The following FARP1 variants were observed in gnomAD, a reference collection of about 807,000 sequenced individuals.
The protein encoded by FARP1 is FERM, ARHGEF and pleckstrin domain-containing protein 1.
FARP1 carries 52 observed loss-of-function variants against 128.8 expected under a neutral mutation model. The ratio of observed to expected loss-of-function variants is 0.40; its 90% CI spans 0.32 to 0.51. The LOEUF is 0.51. Ranked by LOEUF, FARP1 falls within the 20% of genes least tolerant of loss-of-function variation. FARP1 has a pLI of 0.45. For synonymous variants in FARP1, 580 were observed against 551.8 expected, an observed-to-expected ratio of 1.05 and a Z score of -0.72; for missense variants, 1,333 against 1,367.9, an observed-to-expected ratio of 0.97 and a Z score of 0.40.
chr13:98,190,470 CA>C (rs1433411904), intron 1 of FARP1, among the ~76,000 whole-genome samples: 1 of 152,204 alleles, frequency 6.6e-6, no homozygotes, highest in African/African-American at 2.4e-5. Context: ...TTATTAGAAG[CA>C]AAATCAAGGT....
chr13:98,308,847 T>C (rs1886311021), intron 2 of FARP1, among the ~76,000 whole-genome samples: 1 of 151,826 alleles, frequency 6.6e-6, no homozygotes, highest in African/African-American at 2.4e-5. Context: ...TTTTTTGTAT[T>C]TTTGGGGTTT....
chr13:98,359,228 A>G (rs9517270), intron 3 of FARP1, among the ~76,000 whole-genome samples: 69,945 of 152,006 alleles, frequency 0.46, 17,627 homozygotes, highest in Non-Finnish European at 0.6. Flanking sequence ...GCCTTCATTC[A>G]TGTGTGAAGT....
chr13:98,339,120 T>G (rs1161349572), intron 2 of FARP1, among the ~76,000 whole-genome samples: 1 of 152,200 alleles, frequency 6.6e-6, no homozygotes, highest in Admixed American at 6.5e-5. Context: ...GTAGCACATT[T>G]GTATTCGTCC....
chr13:98,197,636 C>T (rs187894137), intron 1 of FARP1, among the ~76,000 whole-genome samples: 3 of 151,876 alleles, frequency 2.0e-5, no homozygotes, highest in African/African-American at 7.2e-5. Context: ...CTAAAAACTT[C>T]CTTAATTTTT....
chr13:98,154,356 A>G (rs950116334), intron 1 of FARP1, among the ~76,000 whole-genome samples: 1 of 152,200 alleles, frequency 6.6e-6, no homozygotes, highest in Non-Finnish European at 1.5e-5. Flanking sequence ...ACAGGTGTGT[A>G]GTGGTATCTC....
chr13:98,343,151 A>C (rs9513400), intron 2 of FARP1, among the ~76,000 whole-genome samples: 1 of 152,120 alleles, frequency 6.6e-6, no homozygotes, highest in East Asian at 1.9e-4. Context: ...GGGAAAGGCA[A>C]ACTATAGAGA....
intron 2 of FARP1, among the ~76,000 whole-genome samples, chr13:98,330,924 A>G (rs542063865): frequency 1.3e-5 from 2 of 152,176 alleles, no homozygotes; most frequent in Non-Finnish European, 2.9e-5. Flanking sequence ...GGGCCAGAGG[A>G]CATGAGTGCT....
intron 19 of FARP1, 50 bp from the exon 20 acceptor site, chr13:98,438,754 C>G: frequency 6.6e-7 from 1 of 1,518,582 alleles, no homozygotes; most frequent in East Asian, 2.3e-5. Flanking sequence ...GCCGTCAGCC[C>G]TTGGGGTCCG....
chr13:98,250,527 C>T (rs1237738459), intron 2 of FARP1, among the ~76,000 whole-genome samples: 1 of 152,012 alleles, frequency 6.6e-6, no homozygotes, highest in South Asian at 2.1e-4. Flanking sequence ...TTGAGACCAG[C>T]GTGGCTAACA....
At chr13:98,217,286 T>A (rs1398449615) in intron 2 of FARP1, among the ~76,000 whole-genome samples, 2 of 151,582 alleles carry the variant, frequency 1.3e-5, no homozygotes, top group African/African-American at 2.4e-5. Flanking sequence ...TAAAAAAAAA[T>A]GCTTGGGGAA....
intron 18 of FARP1, 29 bp downstream of exon 18, chr13:98,431,309 T>C (rs1325462120): frequency 2.0e-6 from 3 of 1,491,576 alleles, no homozygotes; most frequent in Non-Finnish European, 1.8e-6. Flanking sequence ...CGCCACCTGG[T>C]GCCCATGCCA....
chr13:98,348,225 C>CT (rs1888260811), intron 3 of FARP1, among the ~76,000 whole-genome samples: 1 of 152,214 alleles, frequency 6.6e-6, no homozygotes, highest in Non-Finnish European at 1.5e-5. Flanking sequence ...TTGGCCTGCT[C>CT]TTGCCCTTGG....
intron 2 of FARP1, among the ~76,000 whole-genome samples, chr13:98,288,323 T>C (rs1055099657): frequency 5.3e-5 from 8 of 152,196 alleles, no homozygotes; most frequent in Non-Finnish European, 1.0e-4. Context: ...TCATAGCACG[T>C]ACATATGGCT....
At chr13:98,318,950 GTTTT>G (rs56166470) in intron 2 of FARP1, among the ~76,000 whole-genome samples, 53 of 120,646 alleles carry the variant, frequency 4.4e-4, no homozygotes, top group African/African-American at 1.1e-3. Context: ...GTTTTTTCTT[GTTTT>G]TTTTTTTTTT....
At chr13:98,435,417 T>G in intron 18 of FARP1, 159 bp from the exon 19 acceptor site, 1 of 663,086 alleles carries the variant, frequency 1.5e-6, no homozygotes, top group South Asian at 2.3e-5. Flanking sequence ...CACCATCAAT[T>G]TTTATTATAG....
At chr13:98,324,685 C>CG (rs1887156621) in intron 2 of FARP1, among the ~76,000 whole-genome samples, 1 of 152,180 alleles carries the variant, frequency 6.6e-6, no homozygotes, top group Non-Finnish European at 1.5e-5. Context: ...TGTTTCTGAG[C>CG]GTCCTTGGCA....
At position 98,170,282 on chromosome 13, in the gene FARP1, C is replaced by T. The variant is rs536436580; in HGVS notation, c.-24+26790C>T. Reference sequence around the variant, plus strand: ...CATTGCAACCTCTGCCTCCCGTGTTCAAGCAATCTTCCCACCTCAGCCTCC... The same window carrying T: ...CATTGCAACCTCTGCCTCCCGTGTTTAAGCAATCTTCCCACCTCAGCCTCC... On this transcript the variant is annotated intron_variant, in intron 1 of 26. Coordinates refer to ENST00000319562, the MANE Select transcript of FARP1 (RefSeq NM_005766.4). Among the ~76,000 whole-genome samples, 50 of 152,120 alleles carry T rather than the reference C, an allele frequency of 3.3e-4. No homozygotes were observed. In the South Asian group the frequency reaches 6.7e-3, roughly 20 times the overall value.
intron 2 of FARP1, among the ~76,000 whole-genome samples, chr13:98,312,163 C>T (rs1337227036): frequency 9.5e-5 from 3 of 31,494 alleles, no homozygotes; most frequent in Admixed American, 3.8e-4. Context: ...TTCTTTGAGA[C>T]GGAGTCTCGC....
intron 2 of FARP1, among the ~76,000 whole-genome samples, chr13:98,325,418 C>T (rs1358665503): frequency 6.6e-6 from 1 of 152,168 alleles, no homozygotes; most frequent in Non-Finnish European, 1.5e-5. Context: ...TGAAGGCTCC[C>T]ACCTGACGCC....
Sources: allele counts gnomAD v4.1 joint callset (sites outside exome capture counted in the v4.1 genomes callset), GRCh38; gene constraint gnomAD v4.1.1; transcripts MANE v1.5; gene names NCBI Gene and HGNC (gene_info 2026-07-23, HGNC 2026-07-21).